SCIN: variants seen among roughly 807,000 people sequenced by gnomAD.
SCIN encodes scinderin.
A neutral mutation model predicts 91.8 loss-of-function variants in SCIN; 91 were observed. The ratio of observed to expected loss-of-function variants is 0.99; its 90% confidence interval spans 0.84 to 1.18. The LOEUF (loss-of-function observed/expected upper bound fraction) is 1.18. Ranked by LOEUF, SCIN falls within the 50% of genes most tolerant of loss-of-function variation. SCIN has a pLI of 0.00. For synonymous variants in SCIN, 367 were observed against 312.6 expected (o/e 1.17, Z -1.84); for missense variants, 1,087 against 863.9 (o/e 1.26, Z -3.24).
intron 10 of SCIN, among the ~76,000 whole-genome samples, chr7:12,640,009 T>G (rs849766): frequency 0.088 from 13,423 of 152,194 alleles, 732 homozygotes; most frequent in East Asian, 0.17. Context: ...TCACATAAGG[T>G]CGCAGACACC....
intron 3 of SCIN, among the ~76,000 whole-genome samples, chr7:12,599,634 A>G (rs1782917048): frequency 6.6e-6 from 1 of 152,106 alleles, no homozygotes; most frequent in African/African-American, 2.4e-5. Flanking sequence ...TTACATTCCC[A>G]GCAACAGTAT....
chr7:12,650,213 A>G (rs546344617), intron 14 of SCIN, among the ~76,000 whole-genome samples: 10 of 152,312 alleles, frequency 6.6e-5, no homozygotes, highest in African/African-American at 2.4e-4. Context: ...GTTCCCAATT[A>G]ATAAACCATT....
intron 13 of SCIN, among the ~76,000 whole-genome samples, chr7:12,646,227 C>A (rs1322566273): frequency 6.6e-6 from 1 of 152,142 alleles, no homozygotes; most frequent in Non-Finnish European, 1.5e-5. Context: ...ACAAAAATAC[C>A]ATTGACTGTG....
chr7:12,603,993 CT>C (rs1418871672), intron 3 of SCIN, among the ~76,000 whole-genome samples: 1 of 151,786 alleles, frequency 6.6e-6, no homozygotes, highest in Non-Finnish European at 1.5e-5. Flanking sequence ...TTTTATGGCT[CT>C]TGATAAGAAT....
At chr7:12,640,966 A>C (rs770658656) in intron 11 of SCIN, among the ~76,000 whole-genome samples, 5 of 152,172 alleles carry the variant, frequency 3.3e-5, no homozygotes, top group Non-Finnish European at 2.9e-5. Flanking sequence ...TGGCCCCATG[A>C]GCTGTTTCTG....
In SCIN at chr7:12,651,315, C is replaced by T. The variant is rs542271256; in HGVS notation, c.1960-526C>T. On this transcript the variant is annotated intron_variant, in intron 14 of 15. Coordinates refer to ENST00000297029, the MANE Select transcript of SCIN (RefSeq NM_001112706.3). The surrounding 1 kb of genome is among the most constrained non-coding windows in gnomAD (Gnocchi z 5.9). ...CTCTCAGTTAATCTTCCCTAGATCCCGAAAAGGGAGGGCCTCAAAGAAAGT... is the reference window on the plus strand; with the variant it reads ...CTCTCAGTTAATCTTCCCTAGATCCTGAAAAGGGAGGGCCTCAAAGAAAGT... 4.6e-5 allele frequency among the ~76,000 whole-genome samples: 7 copies of T among 152,158 alleles called. No homozygotes were observed. The highest frequency in any genetic ancestry group is 2.0e-4 in the Admixed American group (3 of 15,286).
intron 3 of SCIN, among the ~76,000 whole-genome samples, chr7:12,597,612 A>C (rs375030289): frequency 3.3e-5 from 5 of 152,256 alleles, no homozygotes; most frequent in East Asian, 3.9e-4. Flanking sequence ...TATTAACTCA[A>C]CACATAGTTT....
At chr7:12,571,306 C>A (rs552811365) in intron 1 of SCIN, 1 of 418,294 alleles carries the variant, frequency 2.4e-6, no homozygotes, top group East Asian at 4.9e-5. Context: ...CCACTCTTGT[C>A]CAGGGCCGCT....
intron 4 of SCIN, among the ~76,000 whole-genome samples, chr7:12,617,508 A>G (rs537028838): frequency 1.3e-5 from 2 of 152,220 alleles, no homozygotes; most frequent in African/African-American, 4.8e-5. Context: ...AGCCTTAGGG[A>G]AAAAGGTTTG....
intron 3 of SCIN, among the ~76,000 whole-genome samples, chr7:12,584,110 A>G (rs1001132316): frequency 1.1e-4 from 16 of 152,338 alleles, no homozygotes; most frequent in African/African-American, 3.6e-4. Context: ...TATGTTGCCA[A>G]AAGTTTCTGA....
chr7:12,645,294 T>C (rs1157496677), intron 13 of SCIN, among the ~76,000 whole-genome samples: 1 of 151,394 alleles, frequency 6.6e-6, no homozygotes, highest in Non-Finnish European at 1.5e-5. Flanking sequence ...CACCACTGTG[T>C]TCCAGCCTGG....
intron 3 of SCIN, among the ~76,000 whole-genome samples, chr7:12,583,054 A>G (rs1441733779): frequency 6.6e-6 from 1 of 152,074 alleles, no homozygotes; most frequent in Non-Finnish European, 1.5e-5. Flanking sequence ...TTAACCAGAA[A>G]GGCACTTCCC....
chr7:12,584,031 G>A (rs569934067), intron 3 of SCIN, among the ~76,000 whole-genome samples: 1 of 152,112 alleles, frequency 6.6e-6, no homozygotes, highest in Non-Finnish European at 1.5e-5. Flanking sequence ...TCAAGCACCA[G>A]ATTCCTACAT....
At chr7:12,595,879 G>T in intron 3 of SCIN, 1 of 154,284 alleles carries the variant, frequency 6.5e-6, no homozygotes, top group South Asian at 2.0e-4. Context: ...GTTACCAGTA[G>T]AAGGTATCCA....
intron 3 of SCIN, among the ~76,000 whole-genome samples, chr7:12,587,688 A>C (rs188608131): frequency 1.4e-4 from 22 of 152,268 alleles, no homozygotes; most frequent in African/African-American, 5.1e-4. Context: ...TGCTACCCTC[A>C]GTCATTTCTG....
At chr7:12,595,408 A>G (rs1026377397) in intron 3 of SCIN, 1 of 139,244 alleles carries the variant, frequency 7.2e-6, no homozygotes, top group African/African-American at 2.7e-5. Flanking sequence ...ACCTTGCTGT[A>G]GGCCTAGATA....
chr7:12,570,813 GTTCGCCC>G lies in SCIN; in HGVS notation c.28_34del (p.Phe10GlyfsTer104). On this transcript the variant is annotated frameshift_variant, in exon 1 of 16. Coordinates refer to ENST00000297029, the MANE Select transcript of SCIN (RefSeq NM_001112706.3). LOFTEE classifies it high-confidence loss of function. ...TGGCGCGGGAGCTATACCACGAAGAGTTCGCCCGGGCGGGCAAGCAGGCGGGGCTGCA... is the reference window on the plus strand; with the variant it reads ...TGGCGCGGGAGCTATACCACGAAGAGGGGCGGGCAAGCAGGCGGGGCTGCA... The G allele has an allele frequency of 6.4e-7, 1 of 1,551,448 alleles. No individual in the cohort carries two copies. The highest frequency in any genetic ancestry group is 1.2e-5 in the South Asian group (1 of 84,034).
intron 10 of SCIN, among the ~76,000 whole-genome samples, chr7:12,639,745 A>G (rs1430422866): frequency 2.0e-5 from 3 of 152,224 alleles, no homozygotes; most frequent in Non-Finnish European, 4.4e-5. Flanking sequence ...TAAGTTAAAA[A>G]GTAGAAAACA....
intron 3 of SCIN, chr7:12,596,485 G>C (rs1782844458): frequency 1.3e-5 from 6 of 455,944 alleles, no homozygotes; most frequent in South Asian, 9.3e-5. Flanking sequence ...ATCACTTTTA[G>C]AGAGGCAATG....
Sources: gnomAD v4.1 joint callset for allele counts (sites outside exome capture counted in the v4.1 genomes callset) on GRCh38, gnomAD v4.1.1 for gene constraint, Gnocchi (gnomAD v3.1) non-coding constraint, MANE v1.5 for transcripts, NCBI Gene and HGNC (gene_info 2026-07-23, HGNC 2026-07-21) for gene names.